The following SEMA6C variants were observed in gnomAD, a reference collection of about 807,000 sequenced individuals.
SEMA6C encodes the protein semaphorin-6C.
Under a neutral mutation model 72.9 loss-of-function variants are expected in SEMA6C, and 37 were observed. The ratio of observed to expected loss-of-function variants is 0.51; its 90% CI spans 0.39 to 0.67. The LOEUF (loss-of-function observed/expected upper bound fraction) is 0.67, where lower values mean the gene tolerates loss of function less well. Ranked by LOEUF, SEMA6C falls within the 30% of genes least tolerant of loss-of-function variation. SEMA6C has a pLI of 0.00. For synonymous variants in SEMA6C, 578 were observed against 554.1 expected, an observed-to-expected ratio of 1.04 and a Z score of -0.61; for missense variants, 1,189 against 1,263.6, an observed-to-expected ratio of 0.94 and a Z score of 0.89.
intron 15 of SEMA6C, 124 bp from the exon 16 acceptor site, chr1:151,134,999 T>C: frequency 7.5e-7 from 1 of 1,328,342 alleles, no homozygotes; most frequent in Non-Finnish European, 1.1e-6. Context: ...TCCACCTCAG[T>C]CTCTCCACAC....
Position 151,133,910 on chromosome 1 carries a change from A to T in SEMA6C, c.1760-393T>A. Reference sequence around the variant, plus strand: ...AGTGAGGGGCTTAGAACGCTCCGAGAATCAGCAGCCCCACACTTCACTCCT... The same window carrying T: ...AGTGAGGGGCTTAGAACGCTCCGAGTATCAGCAGCCCCACACTTCACTCCT... On this transcript the variant is annotated intron_variant, in intron 18 of 18. Coordinates refer to ENST00000368914, the MANE Select transcript of SEMA6C (RefSeq NM_030913.6). This position sits in a 1 kb window ranked among gnomAD's most constrained non-coding sequence, Gnocchi z 5.9. 7.0e-7 allele frequency: 1 copy of T among 1,423,952 alleles called. No homozygotes were observed. Among genetic ancestry groups the T allele is most frequent in the Non-Finnish European group, 9.7e-7 (1 of 1,032,354 alleles). 88.2% of individuals were successfully genotyped at this position (1,423,952 alleles called of 1,614,324 possible).
chr1:151,133,225 C>A lies in SEMA6C; in HGVS notation c.2052G>T (p.Leu684=). The change falls in exon 19 of 19, where the codon CTG becomes CTT. Residue 684 remains leucine, a synonymous_variant. Transcript: ENST00000368914. This position sits in a 1 kb window ranked among gnomAD's most constrained non-coding sequence, Gnocchi z 5.9. ...VQTPQLYTTF[L]PPPEGVPPPE... ...GCGGGGGCACGCCCTCCGGAGGCGG[C>A]AGGAAGGTGGTGTAGAGCTGCGGCG... 5 of 1,578,742 alleles carry A rather than the reference C, an allele frequency of 3.2e-6. No homozygotes were observed. Among genetic ancestry groups the A allele is most frequent in the Middle Eastern group, 1.8e-4 (1 of 5,682 alleles).
chr1:151,140,222 C>A, intron 3 of SEMA6C, 132 bp from the exon 4 acceptor site: 1 of 699,950 alleles, frequency 1.4e-6, no homozygotes, highest in Non-Finnish European at 2.6e-6. Context: ...TTCTTAATAC[C>A]AATAACACTG....
chr1:151,142,795 C>T, intron 2 of SEMA6C, 120 bp from the exon 3 acceptor site: 1 of 571,138 alleles, frequency 1.8e-6, no homozygotes, highest in Non-Finnish European at 3.1e-6. Context: ...GGAAAAGAAC[C>T]CTCTCTCCAG....
rs898531187 is a variant in SEMA6C at position 151,134,631 on chromosome 1, C to T, written c.1703G>A (p.Gly568Asp). Residue 568 changes from glycine (G) to aspartate (D), a missense_variant, in exon 17 of 19, where the codon GGT becomes GAT. Transcript: ENST00000368914. ...CCTCTTCTGTTTACCTTGGCAGTCA[C>T]CATGCTCCATGGATTCCTGGTTCCC... ...QAGNQESMEH[G>D]DCQDGATGSQ... The T allele has an allele frequency of 6.2e-7, 1 of 1,614,198 alleles. No individual in the cohort carries two copies. The highest frequency in any genetic ancestry group is 8.5e-7 in the Non-Finnish European group (1 of 1,180,024).
chr1:151,135,430 C>A, intron 14 of SEMA6C, 121 bp from the exon 15 acceptor site: 1 of 1,452,608 alleles, frequency 6.9e-7, no homozygotes, highest in Non-Finnish European at 9.4e-7. Context: ...GGAGCTGCCC[C>A]GCCCTACCAC....
chr1:151,142,413 T>C, intron 3 of SEMA6C, 91 bp downstream of exon 3: 5 of 1,491,094 alleles, frequency 3.4e-6, no homozygotes, highest in Non-Finnish European at 3.7e-6. Flanking sequence ...TTCCTGAGGC[T>C]GGGAGCCTTC....
chr1:151,142,693 G>A lies in SEMA6C; in HGVS notation c.-54-18C>T. ...AGCCGGCCCTGAAAGGGGAGACAGG[G>A]AAAAGTGGGGGAGGAGCGAAGTTCC... On this transcript the variant is annotated intron_variant, in intron 2 of 18. Coordinates refer to ENST00000368914, the MANE Select transcript of SEMA6C (RefSeq NM_030913.6). 7.5e-7 allele frequency: 1 copy of A among 1,325,822 alleles called. No individual in the cohort carries two copies. Among genetic ancestry groups the A allele is most frequent in the Non-Finnish European group, 1.0e-6 (1 of 988,040 alleles). The allele number at this position is 1,325,822 out of a possible 1,614,324, so 82.1% of individuals were successfully genotyped here.
chr1:151,142,500 T>C lies in SEMA6C; in HGVS notation c.118+4A>G. On this transcript the variant is annotated splice_donor_region_variant and intron_variant, in intron 3 of 18. Coordinates refer to ENST00000368914, the MANE Select transcript of SEMA6C (RefSeq NM_030913.6). Reference sequence around the variant, plus strand: ...ATGGGGCAAGGTAGGTACTGGGCACTCACCTTGAAGGTCAGAGATCAACAG... The same window carrying C: ...ATGGGGCAAGGTAGGTACTGGGCACCCACCTTGAAGGTCAGAGATCAACAG... 1 of 1,613,314 alleles carries C rather than the reference T, an allele frequency of 6.2e-7. No individual in the cohort carries two copies. Among genetic ancestry groups the C allele is most frequent in the East Asian group, 2.2e-5 (1 of 44,864 alleles).
At position 151,137,756 on chromosome 1, in the gene SEMA6C, G is replaced by C; in HGVS notation, c.711C>G (p.Tyr237Ter). 6.2e-7 allele frequency: 1 copy of C among 1,613,812 alleles called. No homozygotes were observed. Among genetic ancestry groups the C allele is most frequent in the Non-Finnish European group, 8.5e-7 (1 of 1,179,794 alleles). ...CCACAGAGACCTCGCGGAAGAAGAA[G>C]TAGACATGGTCTCCATGCTCCAAGG... ...VQALEHGDHVYFFFREVSVED... is the reference protein window; with the variant it reads ...VQALEHGDHV Residue 237 changes from tyrosine to a stop codon, truncating the protein, a stop_gained, in exon 10 of 19, where the codon TAC becomes TAG. Coordinates refer to ENST00000368914, the MANE Select transcript of SEMA6C (RefSeq NM_030913.6). LOFTEE classifies it high-confidence loss of function.
At chr1:151,138,852 G>A in intron 6 of SEMA6C, 121 bp from the exon 7 acceptor site, 1 of 766,392 alleles carries the variant, frequency 1.3e-6, no homozygotes, top group Non-Finnish European at 2.2e-6. Context: ...TAGCACTTTG[G>A]GAGGCCAAGG....
At position 151,133,497 on chromosome 1, in the gene SEMA6C, G is replaced by C; in HGVS notation, c.1780C>G (p.Pro594Ala). Residue 594 changes from proline (P) to alanine (A), a missense_variant, in exon 19 of 19, where the codon CCA (proline) becomes GCA (alanine). By Grantham distance (27) the Pro-to-Ala change is conservative. This residue lies in a region of SEMA6C where 721 missense variants were observed against 686.2 expected (regional missense o/e 1.05). Coordinates refer to ENST00000368914, the MANE Select transcript of SEMA6C (RefSeq NM_030913.6). This position sits in a 1 kb window ranked among gnomAD's most constrained non-coding sequence, Gnocchi z 5.9. ...SAYGVRRDLP[P>A]ASASRSVPIP... ...GGGACGGAGCGGGAGGCCGAGGCTG[G>C]GGGCAGGTCCCGGCGCACGCCTGCC... The C allele has an allele frequency of 6.5e-7, 1 of 1,529,014 alleles. No individual in the cohort carries two copies. Among genetic ancestry groups the C allele is most frequent in the Non-Finnish European group, 8.8e-7 (1 of 1,141,580 alleles). The allele number at this position is 1,529,014 out of a possible 1,614,324, so 94.7% of individuals were successfully genotyped here.
chr1:151,132,721 C>A lies in SEMA6C; in HGVS notation c.2556G>T (p.Leu852Phe). 1.3e-6 allele frequency: 2 copies of A among 1,481,866 alleles called. No homozygotes were observed. The highest frequency in any genetic ancestry group is 5.2e-5 in the Admixed American group (2 of 38,180). 91.8% of individuals were successfully genotyped at this position (1,481,866 alleles called of 1,614,324 possible). ...PRLGVGGGRR[L>F]PFSGHRAPPA... ...GGGGGGCCCGGTGGCCGGAGAAAGG[C>A]AACCTCCGGCCTCCGCCGACGCCCA... Residue 852 changes from leucine (L) to phenylalanine (F), a missense_variant, in exon 19 of 19, where the codon TTG becomes TTT. Physicochemically the swap from Leu to Phe is conservative, Grantham distance 22. Coordinates refer to ENST00000368914, the MANE Select transcript of SEMA6C (RefSeq NM_030913.6).
intron 7 of SEMA6C, 21 bp downstream of exon 7, chr1:151,138,608 AC>A: frequency 6.2e-7 from 1 of 1,606,530 alleles, no homozygotes; most frequent in Non-Finnish European, 8.5e-7. Flanking sequence ...TCCCATCCTA[AC>A]CCCCACCCTC....
At position 151,135,662 on chromosome 1, in the gene SEMA6C, C is replaced by G. The variant is rs1354047701; in HGVS notation, c.1362G>C (p.Leu454=). 1 of 1,614,214 alleles carries G rather than the reference C, an allele frequency of 6.2e-7. No individual in the cohort carries two copies. Among genetic ancestry groups the G allele is most frequent in the South Asian group, 1.1e-5 (1 of 91,086 alleles). ...GSNDGTVLKV[L]TPGGRSGGPE... is the part of the protein sequence containing the mutation. ...GTCCCCCGGATCGCCCACCTGGGGT[C>G]AGCACCTTCAGCACTGTCCCATCAT... The change falls in exon 14 of 19, where the codon CTG becomes CTC. Residue 454 remains leucine (L), a synonymous_variant. Coordinates refer to ENST00000368914, the MANE Select transcript of SEMA6C (RefSeq NM_030913.6).
intron 2 of SEMA6C, among the ~76,000 whole-genome samples, chr1:151,144,143 G>A (rs1052058496): frequency 1.3e-5 from 2 of 152,034 alleles, no homozygotes; most frequent in Non-Finnish European, 2.9e-5. Flanking sequence ...TCCCTCCCCC[G>A]ACATGTTTCC....
intron 15 of SEMA6C, 116 bp downstream of exon 15, chr1:151,135,047 T>C: frequency 6.8e-7 from 1 of 1,473,342 alleles, no homozygotes; most frequent in South Asian, 1.3e-5. Context: ...TTGAGGTACC[T>C]AGGCACCCCA....
intron 2 of SEMA6C, among the ~76,000 whole-genome samples, chr1:151,143,136 G>A (rs1198534175): frequency 6.6e-6 from 1 of 152,248 alleles, no homozygotes; most frequent in African/African-American, 2.4e-5. Context: ...CACCCTGGGA[G>A]CAATGCAGGC....
At position 151,138,499 on chromosome 1, in the gene SEMA6C, AC is replaced by A. The variant is rs1408536442; in HGVS notation, c.457-94del. The A allele has an allele frequency of 5.0e-6, 7 of 1,407,668 alleles. No individual in the cohort carries two copies. The African/African-American group carries it at 1.0e-4, about 20-fold the overall frequency. The allele number at this position is 1,407,668 out of a possible 1,614,324, so 87.2% of individuals were successfully genotyped here. On this transcript the variant is annotated intron_variant, in intron 7 of 18. Transcript: ENST00000368914. ...CTCCTGTCCCGTTGCCTCCTCCCCA[AC>A]CCCTCTGGACCCTTGCATTCTGGGC...
Sources: allele counts gnomAD v4.1 joint callset (sites outside exome capture counted in the v4.1 genomes callset), GRCh38; gene constraint gnomAD v4.1.1; regional missense constraint gnomAD v4.1.1; non-coding constraint Gnocchi (gnomAD v3.1); transcripts MANE v1.5; gene names NCBI Gene and HGNC (gene_info 2026-07-23, HGNC 2026-07-21).